ZC4H2: variants seen among roughly 807,000 people sequenced by gnomAD.
The protein encoded by ZC4H2 is zinc finger C4H2-type containing.
For missense variants in ZC4H2, 137 were observed against 173.9 expected (o/e 0.79, Z 1.19); for synonymous variants, 84 against 66.3 (o/e 1.27, Z -1.30).
At chrX:64,973,756 A>G (rs1053395710) in intron 1 of ZC4H2, among the ~76,000 whole-genome samples, 1 of 111,538 alleles carries the variant, frequency 9.0e-6, no homozygotes, top group Non-Finnish European at 1.9e-5. Context: ...TTATTATTGG[A>G]CATAGATTTA....
At chrX:64,919,729 G>T (rs1044085321) in intron 3 of ZC4H2, 1 of 179,788 alleles carries the variant, frequency 5.6e-6, no homozygotes. Flanking sequence ...GAGGTTTCTA[G>T]ATATCGCCTT....
rs752846410 is a variant in ZC4H2, at chrX:64,987,398, G to T, written c.-272+47231C>A. On this transcript the variant is annotated intron_variant, in intron 1 of 4. Coordinates refer to the ZC4H2 transcript ENST00000337990. Reference sequence around the variant, plus strand: ...TAGTATTGGTGGTGGAAAAGACATGGATCAATGGAATAGAATACAGGACCC... The same window carrying T: ...TAGTATTGGTGGTGGAAAAGACATGTATCAATGGAATAGAATACAGGACCC... 1.5e-3 allele frequency among the ~76,000 whole-genome samples: 168 copies of T among 108,589 alleles called. 1 individual carries two copies. Among genetic ancestry groups the T allele is most frequent in the African/African-American group, 5.3e-3 (158 of 29,799 alleles). The allele number at this position is 108,589 out of a possible 115,157, so 94.3% of individuals were successfully genotyped here. A position where few individuals can be genotyped will look rare whatever the true frequency, so the allele number is the denominator to read the frequency against.
chrX:64,995,111 TAAA>T (rs372668451), intron 1 of ZC4H2, among the ~76,000 whole-genome samples: 6 of 84,015 alleles, frequency 7.1e-5, no homozygotes, highest in Admixed American at 1.3e-4. Flanking sequence ...CCCTTGTCAT[TAAA>T]AAAAAAAAAA....
intron 1 of ZC4H2, among the ~76,000 whole-genome samples, chrX:64,989,763 C>G (rs1044853443): frequency 8.9e-6 from 1 of 111,924 alleles, no homozygotes; most frequent in East Asian, 2.8e-4. Context: ...CAGATGGTAA[C>G]TACATGAAAA....
chrX:64,948,534 T>A (rs1011646601), intron 1 of ZC4H2, among the ~76,000 whole-genome samples: 1 of 111,480 alleles, frequency 9.0e-6, no homozygotes, highest in Admixed American at 9.6e-5. Context: ...AAGAACTGAG[T>A]TCCTCTGGCT....
intron 1 of ZC4H2, among the ~76,000 whole-genome samples, chrX:65,028,126 G>GTA (rs1486327225): frequency 1.8e-5 from 2 of 111,084 alleles, no homozygotes; most frequent in African/African-American, 3.3e-5. Context: ...CCTAATCTAT[G>GTA]TATATATATT....
rs1404701071 is a variant in ZC4H2 at position 64,929,530 on chromosome X, G to A, written c.54-7542C>T. Among the ~76,000 whole-genome samples, 3 of 111,528 alleles carry A rather than the reference G, an allele frequency of 2.7e-5. No individual in the cohort carries two copies. The Admixed American group carries it at 2.9e-4, about 11-fold the overall frequency. ...GATTTAAGTATTTGATCCATTTTGA[G>A]TTAATTTTTGTATAAGGTGAGAGGT... On this transcript the variant is annotated intron_variant, in intron 1 of 4. Coordinates refer to ENST00000374839, the MANE Select transcript of ZC4H2 (RefSeq NM_018684.4).
intron 3 of ZC4H2, 74 bp from the exon 4 acceptor site, chrX:64,919,278 C>G: frequency 8.9e-7 from 1 of 1,121,032 alleles, no homozygotes; most frequent in Non-Finnish European, 1.2e-6. Flanking sequence ...AGACTCCATG[C>G]CATACAACCA....
chrX:65,013,538 GC>G (rs994268895), intron 1 of ZC4H2, among the ~76,000 whole-genome samples: 6 of 111,232 alleles, frequency 5.4e-5, no homozygotes, highest in African/African-American at 1.6e-4. Flanking sequence ...AAAACATGCT[GC>G]CATGTTGAAA....
At chrX:64,987,706 C>G (rs1163818234) in intron 1 of ZC4H2, among the ~76,000 whole-genome samples, 1 of 106,611 alleles carries the variant, frequency 9.4e-6, no homozygotes, top group Non-Finnish European at 1.9e-5. Context: ...TTTTTGGACT[C>G]ATCTCAAAAT....
chrX:65,018,976 C>T (rs1452150239), intron 1 of ZC4H2, among the ~76,000 whole-genome samples: 1 of 111,656 alleles, frequency 9.0e-6, no homozygotes, highest in African/African-American at 3.3e-5. Context: ...GGCCAGAAGG[C>T]CTCTCTAGAT....
chrX:64,973,621 C>T (rs1266535560), intron 1 of ZC4H2, among the ~76,000 whole-genome samples: 1 of 110,660 alleles, frequency 9.0e-6, no homozygotes, highest in Admixed American at 9.7e-5. Context: ...CATGCTTTTG[C>T]TTACTGTTTA....
At chrX:65,011,243 C>T (rs1446216199) in intron 1 of ZC4H2, among the ~76,000 whole-genome samples, 1 of 111,588 alleles carries the variant, frequency 9.0e-6, no homozygotes, top group African/African-American at 3.3e-5. Flanking sequence ...AGCCGAGGCT[C>T]AAAAAGGTGA....
chrX:64,953,414 T>C (rs958199277), intron 1 of ZC4H2, among the ~76,000 whole-genome samples: 2 of 111,648 alleles, frequency 1.8e-5, no homozygotes, highest in African/African-American at 6.5e-5. Context: ...ATTTTTGCAA[T>C]GTACTCATCT....
chrX:64,935,756 A>T (rs1929977544), intron 1 of ZC4H2, among the ~76,000 whole-genome samples: 1 of 111,996 alleles, frequency 8.9e-6, no homozygotes, highest in African/African-American at 3.3e-5. Context: ...AGGAAAACTA[A>T]CAAACATAAA....
At chrX:64,933,276 A>G (rs1929838383) in intron 1 of ZC4H2, among the ~76,000 whole-genome samples, 1 of 111,309 alleles carries the variant, frequency 9.0e-6, no homozygotes, top group South Asian at 3.7e-4. Flanking sequence ...GATTTTTTAA[A>G]ATTTAAGTTG....
intron 1 of ZC4H2, among the ~76,000 whole-genome samples, chrX:64,929,523 A>T (rs771421990): frequency 8.9e-6 from 1 of 111,839 alleles, no homozygotes; most frequent in African/African-American, 3.2e-5. Flanking sequence ...TATTTGATCC[A>T]TTTTGAGTTA....
intron 1 of ZC4H2, among the ~76,000 whole-genome samples, chrX:64,970,792 G>A (rs1222816971): frequency 2.7e-5 from 3 of 111,819 alleles, no homozygotes; most frequent in South Asian, 7.6e-4. Context: ...CTGGTGGAAC[G>A]GAAATATATA....
intron 1 of ZC4H2, among the ~76,000 whole-genome samples, chrX:64,952,299 C>T (rs1341426285): frequency 9.2e-6 from 1 of 108,509 alleles, no homozygotes; most frequent in East Asian, 2.9e-4. Flanking sequence ...TTTTTGGTTC[C>T]ATATGAACTT....
Sources: gnomAD v4.1 joint callset for allele counts (sites outside exome capture counted in the v4.1 genomes callset) on GRCh38, gnomAD v4.1.1 for gene constraint, MANE v1.5 for transcripts, NCBI Gene and HGNC (gene_info 2026-07-23, HGNC 2026-07-21) for gene names.